CDIP1: variants seen among roughly 807,000 people sequenced by gnomAD.
The protein encoded by CDIP1 is cell death inducing p53 target 1, also known as cell death-inducing p53-target protein 1.
A neutral mutation model predicts 17.7 loss-of-function variants in CDIP1; 9 were observed. The ratio of observed to expected loss-of-function variants is 0.51; its 90% CI spans 0.31 to 0.89. The LOEUF (loss-of-function observed/expected upper bound fraction) is 0.89. Among genes scored for constraint, CDIP1 ranks in the 40% least tolerant of loss-of-function variants. CDIP1 has a pLI of 0.05. For synonymous variants in CDIP1, 117 were observed against 109.5 expected (o/e 1.07, Z -0.43); for missense variants, 263 against 277.9 (o/e 0.95, Z 0.38).
chr16:4,538,586 G>A (rs562687907), intron 1 of CDIP1, 116 bp downstream of exon 1: 5 of 152,480 alleles, frequency 3.3e-5, no homozygotes, highest in Middle Eastern at 3.4e-3. Context: ...GGGCGGGGAG[G>A]GGGCGCCACG....
chr16:4,521,683 C>T (rs2141641566), intron 1 of CDIP1, among the ~76,000 whole-genome samples: 1 of 132,362 alleles, frequency 7.6e-6, no homozygotes. Context: ...GACAACATGG[C>T]AAGACGTCAT....
chr16:4,534,695 T>TG (rs1335549150), intron 1 of CDIP1, among the ~76,000 whole-genome samples: 1 of 148,294 alleles, frequency 6.7e-6, no homozygotes, highest in African/African-American at 2.6e-5. Context: ...GCATGGTTTT[T>TG]TTTTTTTTTT....
chr16:4,515,889 C>T (rs1199661232), intron 1 of CDIP1, among the ~76,000 whole-genome samples: 2 of 152,136 alleles, frequency 1.3e-5, no homozygotes, highest in African/African-American at 4.8e-5. Context: ...AAAGGTTAAA[C>T]CTAGAGTTAC....
rs1434910833 is a variant in CDIP1 at position 4,527,760 on chromosome 16, C to T, written c.-105+10942G>A. On this transcript the variant is annotated intron_variant, in intron 1 of 5. Coordinates refer to ENST00000567695, the MANE Select transcript of CDIP1 (RefSeq NM_013399.3). ...ATGTTCAAGAAAATGGAACTGGTTA[C>T]ATGCATGTGATTAGCTATATAATGT... is the stretch of plus-strand genomic sequence containing the variant. 3.3e-5 allele frequency among the ~76,000 whole-genome samples: 5 copies of T among 152,166 alleles called. No homozygotes were observed. The East Asian group carries it at 5.8e-4, about 18-fold the overall frequency.
chr16:4,519,044 T>C (rs2058917544), intron 1 of CDIP1, among the ~76,000 whole-genome samples: 2 of 152,198 alleles, frequency 1.3e-5, no homozygotes. Context: ...GCTTTAAATC[T>C]TGGATTTATT....
chr16:4,522,303 TGGAAG>T (rs2058959043), intron 1 of CDIP1: 1 of 152,316 alleles, frequency 6.6e-6, no homozygotes, highest in Non-Finnish European at 1.5e-5. Context: ...GCAATGCCCC[TGGAAG>T]GATGCTCCAC....
At position 4,513,631 on chromosome 16, in the gene CDIP1, G is replaced by T. The variant is rs908424899; in HGVS notation, c.241+65C>A. The T allele has an allele frequency of 2.0e-5, 29 of 1,444,482 alleles. No individual in the cohort carries two copies. In the African/African-American group the frequency reaches 3.8e-4, roughly 19 times the overall value. 89.5% of individuals were successfully genotyped at this position (1,444,482 alleles called of 1,614,324 possible). On this transcript the variant is annotated intron_variant, in intron 4 of 5. Transcript: ENST00000567695. This position sits in a 1 kb window ranked among gnomAD's most constrained non-coding sequence, Gnocchi z 4.1. ...CAGATGCCCACCTGTACTGAGGACA[G>T]CCAGCGCAGGCCAGACAGCAGCCAG...
chr16:4,520,708 T>C (rs560805946), intron 1 of CDIP1, among the ~76,000 whole-genome samples: 1 of 152,322 alleles, frequency 6.6e-6, no homozygotes, highest in Admixed American at 6.5e-5. Flanking sequence ...ATTTGAAAGC[T>C]TGAATTTCAT....
At chr16:4,525,407 C>A (rs2058989544) in intron 1 of CDIP1, among the ~76,000 whole-genome samples, 1 of 152,132 alleles carries the variant, frequency 6.6e-6, no homozygotes, top group Non-Finnish European at 1.5e-5. Flanking sequence ...AGGACGATGG[C>A]GTGCAGTGAA....
At position 4,512,356 on chromosome 16, in the gene CDIP1, C is replaced by A; in HGVS notation, c.*216G>T. On this transcript the variant is annotated 3_prime_UTR_variant, in exon 6 of 6. Coordinates refer to ENST00000567695, the MANE Select transcript of CDIP1 (RefSeq NM_013399.3). This position sits in a 1 kb window ranked among gnomAD's most constrained non-coding sequence, Gnocchi z 4.6. The stretch of plus-strand genomic sequence containing the variant: ...ACAACACACAAGCTCATTGTCAGCC[C>A]CCTGCCACCCACTGACCCTTGGCCT... 1.7e-6 allele frequency: 1 copy of A among 595,948 alleles called. No homozygotes were observed. The highest frequency in any genetic ancestry group is 3.0e-6 in the Non-Finnish European group (1 of 331,290). The allele number at this position is 595,948 out of a possible 1,614,324, so 36.9% of individuals were successfully genotyped here.
intron 1 of CDIP1, among the ~76,000 whole-genome samples, chr16:4,521,903 G>A (rs556414580): frequency 3.9e-5 from 6 of 152,270 alleles, no homozygotes; most frequent in African/African-American, 7.2e-5. Flanking sequence ...CAGCAGAAAC[G>A]CTGGGCCTAG....
At chr16:4,517,652 G>C (rs933280222) in intron 1 of CDIP1, among the ~76,000 whole-genome samples, 3 of 151,808 alleles carry the variant, frequency 2.0e-5, no homozygotes, top group African/African-American at 7.3e-5. Flanking sequence ...GAGGCAGGAG[G>C]ATCACCTGAG....
Position 4,512,223 on chromosome 16 carries a change from G to C in CDIP1, c.*349C>G, listed in dbSNP as rs1020152935. 1 of 311,918 alleles carries C rather than the reference G, an allele frequency of 3.2e-6. No individual in the cohort carries two copies. Among genetic ancestry groups the C allele is most frequent in the Non-Finnish European group, 6.2e-6 (1 of 161,814 alleles). The allele number at this position is 311,918 out of a possible 1,614,324, so 19.3% of individuals were successfully genotyped here. On this transcript the variant is annotated 3_prime_UTR_variant, in exon 6 of 6. Transcript: ENST00000567695. The surrounding 1 kb of genome is among the most constrained non-coding windows in gnomAD (Gnocchi z 4.6). ...CTCTGGCTGCTGTTGGTCCCAGGGGGAAAGAGTCTGGACTGAACCTGTACC... is the reference window on the plus strand; with the variant it reads ...CTCTGGCTGCTGTTGGTCCCAGGGGCAAAGAGTCTGGACTGAACCTGTACC...
intron 1 of CDIP1, among the ~76,000 whole-genome samples, chr16:4,526,654 C>T (rs1483275554): frequency 2.7e-5 from 4 of 150,524 alleles, no homozygotes; most frequent in African/African-American, 7.3e-5. Context: ...GAGCTGAGAT[C>T]GCGCCACTAC....
chr16:4,527,166 C>T (rs1367148905), intron 1 of CDIP1, among the ~76,000 whole-genome samples: 2 of 151,626 alleles, frequency 1.3e-5, no homozygotes, highest in African/African-American at 2.4e-5. Flanking sequence ...TGGCTCACTG[C>T]AAGCTCCGCC....
chr16:4,530,841 AAAAAAG>A (rs1341621835), intron 1 of CDIP1, among the ~76,000 whole-genome samples: 1 of 152,178 alleles, frequency 6.6e-6, no homozygotes, highest in African/African-American at 2.4e-5. Context: ...CTGCCTCAAA[AAAAAAG>A]AAAGAAATAG....
intron 1 of CDIP1, among the ~76,000 whole-genome samples, chr16:4,526,664 C>T (rs533965165): frequency 2.7e-5 from 4 of 150,646 alleles, no homozygotes; most frequent in South Asian, 4.2e-4. Flanking sequence ...CGCGCCACTA[C>T]ACTCCAGCCT....
intron 1 of CDIP1, among the ~76,000 whole-genome samples, chr16:4,521,650 C>T (rs910341133): frequency 1.3e-5 from 2 of 150,378 alleles, no homozygotes; most frequent in South Asian, 4.2e-4. Flanking sequence ...ATTACTTGAG[C>T]CCAGGAGTTC....
At position 4,513,083 on chromosome 16, in the gene CDIP1, T is replaced by C. The variant is rs2058850204; in HGVS notation, c.242-19A>G. ...TAGAAACCTGGAATGGCACAGAAGATGGAGGCGAGAGGTCACTGGCCTGCC... is the reference window on the plus strand; with the variant it reads ...TAGAAACCTGGAATGGCACAGAAGACGGAGGCGAGAGGTCACTGGCCTGCC... On this transcript the variant is annotated intron_variant, in intron 4 of 5. Transcript: ENST00000567695. The surrounding 1 kb of genome is among the most constrained non-coding windows in gnomAD (Gnocchi z 4.1). The C allele has an allele frequency of 1.3e-6, 2 of 1,569,912 alleles. No homozygotes were observed. Among genetic ancestry groups the C allele is most frequent in the Non-Finnish European group, 1.7e-6 (2 of 1,164,376 alleles).
Sources: allele counts gnomAD v4.1 joint callset (sites outside exome capture counted in the v4.1 genomes callset), GRCh38; gene constraint gnomAD v4.1.1; non-coding constraint Gnocchi (gnomAD v3.1); transcripts MANE v1.5; gene names NCBI Gene and HGNC (gene_info 2026-07-23, HGNC 2026-07-21).